Variants in MBOAT1 observed in about 807,000 individuals in gnomAD.
The protein encoded by MBOAT1 is membrane bound glycerophospholipid O-acyltransferase 1.
A neutral mutation model predicts 64.4 loss-of-function variants in MBOAT1; 67 were observed. That is an observed-to-expected ratio of 1.04 (90% CI 0.85 to 1.27). MBOAT1 has a LOEUF of 1.27. MBOAT1 is among the 50% of genes most tolerant of loss of function. The probability of loss-of-function intolerance (pLI) is 0.00; values close to 1 mark genes in which losing one functional copy is unlikely to be tolerated. For synonymous variants in MBOAT1, 229 were observed against 218.9 expected (o/e 1.05, Z -0.41); for missense variants, 563 against 604.6 (o/e 0.93, Z 0.72).
chr6:20,182,518 G>A (rs1334397705), intron 1 of MBOAT1, among the ~76,000 whole-genome samples: 1 of 152,178 alleles, frequency 6.6e-6, no homozygotes, highest in African/African-American at 2.4e-5. Context: ...ATATTGGGAA[G>A]AGACCTTCCT....
chr6:20,105,410 A>T (rs1313075784), intron 12 of MBOAT1, among the ~76,000 whole-genome samples: 2 of 152,224 alleles, frequency 1.3e-5, no homozygotes, highest in Non-Finnish European at 2.9e-5. Flanking sequence ...AGATATAAAG[A>T]TGAATTAGGC....
chr6:20,164,743 G>A (rs568575830), intron 1 of MBOAT1, among the ~76,000 whole-genome samples: 121 of 152,174 alleles, frequency 8.0e-4, no homozygotes, highest in Non-Finnish European at 1.5e-3. Flanking sequence ...GCAGCTTAGC[G>A]AGTGTATGTT....
At chr6:20,111,815 C>CGT (rs1554115551) in intron 11 of MBOAT1, among the ~76,000 whole-genome samples, 11 of 106,030 alleles carry the variant, frequency 1.0e-4, no homozygotes, top group Non-Finnish European at 1.8e-4. Flanking sequence ...CATATATATA[C>CGT]ATATATATAC....
At chr6:20,178,850 C>T (rs1240321904) in intron 1 of MBOAT1, among the ~76,000 whole-genome samples, 6 of 152,032 alleles carry the variant, frequency 3.9e-5, no homozygotes, top group African/African-American at 1.5e-4. Context: ...AGGGGCTAAG[C>T]TTTCTAACTA....
intron 5 of MBOAT1, among the ~76,000 whole-genome samples, chr6:20,130,454 A>G (rs1760785573): frequency 1.3e-5 from 2 of 152,096 alleles, no homozygotes; most frequent in South Asian, 4.1e-4. Flanking sequence ...CCCGGGTTCA[A>G]GCGATTCTCC....
At chr6:20,114,327 T>C (rs1017473633) in intron 10 of MBOAT1, among the ~76,000 whole-genome samples, 1 of 152,240 alleles carries the variant, frequency 6.6e-6, no homozygotes, top group Non-Finnish European at 1.5e-5. Flanking sequence ...GTAGAAGAGC[T>C]TGCTGCTTCA....
At chr6:20,150,223 C>T (rs1761450190) in intron 3 of MBOAT1, among the ~76,000 whole-genome samples, 3 of 152,050 alleles carry the variant, frequency 2.0e-5, no homozygotes, top group South Asian at 2.1e-4. Context: ...AAAACATCAT[C>T]GTAAAAATAT....
At chr6:20,109,991 G>A (rs1365167006) in intron 11 of MBOAT1, among the ~76,000 whole-genome samples, 1 of 139,746 alleles carries the variant, frequency 7.2e-6, no homozygotes, top group Admixed American at 8.0e-5. Flanking sequence ...CTCACTGCAA[G>A]CTCTGCCTCC....
intron 8 of MBOAT1, among the ~76,000 whole-genome samples, chr6:20,120,451 C>G (rs1760463823): frequency 6.6e-6 from 1 of 151,974 alleles, no homozygotes; most frequent in Non-Finnish European, 1.5e-5. Flanking sequence ...TGCGGATCAC[C>G]TGAGGTCAGC....
At chr6:20,152,363 AAATTAATTAATT>A (rs57670324) in intron 2 of MBOAT1, among the ~76,000 whole-genome samples, 1,697 of 141,682 alleles carry the variant, frequency 0.012, 20 homozygotes, top group Middle Eastern at 0.021. Context: ...ATAAATAAAT[AAATTAATTAATT>A]AATTAATTAA....
At chr6:20,166,502 G>T (rs561968534) in intron 1 of MBOAT1, among the ~76,000 whole-genome samples, 1 of 152,222 alleles carries the variant, frequency 6.6e-6, no homozygotes, top group African/African-American at 2.4e-5. Context: ...TTCTCTCTTT[G>T]GGAGCCAGCA....
chr6:20,104,811 G>A (rs939102560), intron 12 of MBOAT1, among the ~76,000 whole-genome samples: 5 of 152,232 alleles, frequency 3.3e-5, no homozygotes, highest in African/African-American at 9.6e-5. Context: ...GAATAGTGAA[G>A]AGCTCGAACA....
At chr6:20,144,637 G>C (rs1464337004) in intron 3 of MBOAT1, among the ~76,000 whole-genome samples, 1 of 152,234 alleles carries the variant, frequency 6.6e-6, no homozygotes, top group Admixed American at 6.5e-5. Flanking sequence ...TGCGCAGCCA[G>C]GGCTGGGAAT....
In MBOAT1 at chr6:20,109,688, G is replaced by A. The variant is rs376306398; in HGVS notation, c.1271C>T (p.Ala424Val). The A allele has an allele frequency of 4.3e-6, 7 of 1,614,046 alleles. No homozygotes were observed. The African/African-American group carries it at 9.3e-5, about 22-fold the overall frequency. ...CAGCTGAGTGACGGCCCAGGTGCCT[G>A]CATCATACACAGCCTTGAGAGCTCT... is the stretch of plus-strand genomic sequence containing the variant. ...SSRALKAVYD[A>V]GTWAVTQLAV... The change falls in exon 12 of 13, where the codon GCA becomes GTA. Residue 424 changes from alanine (A) to valine (V), a missense_variant. Ala to Val is a moderately conservative substitution (Grantham distance 64). Transcript: ENST00000324607.
chr6:20,109,125 C>T (rs979277398), intron 12 of MBOAT1, among the ~76,000 whole-genome samples: 7 of 152,184 alleles, frequency 4.6e-5, no homozygotes, highest in Admixed American at 3.3e-4. Context: ...CAACTGGCAA[C>T]ATAAATCCCC....
chr6:20,171,938 C>T (rs184652020), intron 1 of MBOAT1, among the ~76,000 whole-genome samples: 8 of 152,142 alleles, frequency 5.3e-5, no homozygotes, highest in Non-Finnish European at 1.2e-4. Context: ...GAAGCTGAGG[C>T]AAGAGGATCA....
At chr6:20,162,850 C>G (rs545349315) in intron 1 of MBOAT1, among the ~76,000 whole-genome samples, 36 of 152,198 alleles carry the variant, frequency 2.4e-4, no homozygotes, top group Non-Finnish European at 3.7e-4. Flanking sequence ...TGTAAACCCT[C>G]TGTCTGTAGT....
At chr6:20,177,569 T>C (rs796934945) in intron 1 of MBOAT1, among the ~76,000 whole-genome samples, 18 of 152,128 alleles carry the variant, frequency 1.2e-4, no homozygotes, top group African/African-American at 2.4e-4. Context: ...GTCAGGAGAT[T>C]GAGACCATCA....
chr6:20,137,238 A>C (rs1761024053), intron 4 of MBOAT1, among the ~76,000 whole-genome samples: 1 of 152,202 alleles, frequency 6.6e-6, no homozygotes, highest in Non-Finnish European at 1.5e-5. Context: ...CTCATTTCAC[A>C]GTGTTTACAA....
Sources: allele counts gnomAD v4.1 joint callset (sites outside exome capture counted in the v4.1 genomes callset), GRCh38; gene constraint gnomAD v4.1.1; transcripts MANE v1.5; gene names NCBI Gene and HGNC (gene_info 2026-07-23, HGNC 2026-07-21).